The following LRRIQ1 variants were observed in gnomAD, a reference collection of about 807,000 sequenced individuals.
LRRIQ1 encodes the protein leucine-rich repeat- and IQ domain-containing protein 1.
A neutral mutation model predicts 211.9 loss-of-function variants in LRRIQ1; 210 were observed. The ratio of observed to expected loss-of-function variants is 0.99; its 90% CI spans 0.89 to 1.11. The LOEUF (loss-of-function observed/expected upper bound fraction) is 1.11, where lower values mean the gene tolerates loss of function less well. Among genes scored for constraint, LRRIQ1 ranks in the 50% most tolerant of loss-of-function variants. The pLI, the probability that LRRIQ1 is intolerant of heterozygous loss-of-function variation, is 0.00. For synonymous variants in LRRIQ1, 699 were observed against 650.1 expected (o/e 1.08, Z -1.14); for missense variants, 2,136 against 1,939.5 (o/e 1.10, Z -1.90).
intron 19 of LRRIQ1, among the ~76,000 whole-genome samples, chr12:85,140,190 C>T (rs1889428913): frequency 6.6e-6 from 1 of 151,284 alleles, no homozygotes; most frequent in Non-Finnish European, 1.5e-5. Context: ...TCGAAGCCTG[C>T]TTTCCTCACT....
chr12:85,125,393 G>A (rs544424948), intron 17 of LRRIQ1, among the ~76,000 whole-genome samples: 4 of 152,054 alleles, frequency 2.6e-5, no homozygotes, highest in Non-Finnish European at 4.4e-5. Context: ...ATTTTAGAAA[G>A]CTAATGACTA....
At chr12:85,179,742 T>G (rs546208298) in intron 24 of LRRIQ1, among the ~76,000 whole-genome samples, 1 of 152,078 alleles carries the variant, frequency 6.6e-6, no homozygotes, top group Admixed American at 6.6e-5. Context: ...ACACTTCCAT[T>G]TATCCTTCAC....
chr12:85,219,339 T>C (rs1894295129), intron 24 of LRRIQ1, among the ~76,000 whole-genome samples: 1 of 152,170 alleles, frequency 6.6e-6, no homozygotes, highest in Non-Finnish European at 1.5e-5. Context: ...AGCACAACTA[T>C]AGTCGATTTG....
chr12:85,245,598 A>T (rs1030339863), downstream of LRRIQ1, among the ~76,000 whole-genome samples: 3 of 150,586 alleles, frequency 2.0e-5, no homozygotes, highest in African/African-American at 7.3e-5. Flanking sequence ...TAACTCTGAA[A>T]AATGTAAACA....
chr12:85,228,041 AAAT>A (rs781208806), intron 24 of LRRIQ1, among the ~76,000 whole-genome samples: 48 of 152,330 alleles, frequency 3.2e-4, no homozygotes, highest in Non-Finnish European at 6.2e-4. Flanking sequence ...TTAAAGACTT[AAAT>A]ATTAGACCTA....
intron 8 of LRRIQ1, among the ~76,000 whole-genome samples, chr12:85,062,984 G>C (rs1882015298): frequency 6.6e-6 from 1 of 151,608 alleles, no homozygotes; most frequent in South Asian, 2.1e-4. Flanking sequence ...ATGTTTGTTG[G>C]CCACGTGTAT....
chr12:85,103,720 A>G (rs1886563041), intron 13 of LRRIQ1, among the ~76,000 whole-genome samples: 1 of 151,780 alleles, frequency 6.6e-6, no homozygotes, highest in Admixed American at 6.6e-5. Flanking sequence ...ATGAAAATCC[A>G]TGATTTTTGT....
intron 24 of LRRIQ1, among the ~76,000 whole-genome samples, chr12:85,218,182 A>T (rs1894243576): frequency 6.6e-6 from 1 of 152,026 alleles, no homozygotes; most frequent in Non-Finnish European, 1.5e-5. Context: ...AATAAAATAC[A>T]TTTAAAAATA....
chr12:85,091,635 A>G (rs1092668), intron 11 of LRRIQ1, among the ~76,000 whole-genome samples: 151,878 of 152,272 alleles, frequency 1, 75,742 homozygotes, highest in Middle Eastern at 1. Flanking sequence ...ATAGTTTTAG[A>G]TGCTACATTT....
chr12:85,131,692 GAT>G (rs1248043563), intron 18 of LRRIQ1, among the ~76,000 whole-genome samples: 3 of 152,138 alleles, frequency 2.0e-5, no homozygotes, highest in Non-Finnish European at 4.4e-5. Flanking sequence ...CATGGTGAGA[GAT>G]GTGTGCAGTT....
intron 19 of LRRIQ1, among the ~76,000 whole-genome samples, chr12:85,138,917 C>T (rs1027081386): frequency 2.0e-5 from 3 of 151,424 alleles, no homozygotes; most frequent in South Asian, 2.1e-4. Flanking sequence ...GGTAGTCTTA[C>T]GTAGCAGATG....
At chr12:85,167,354 G>T (rs1891202262) in intron 24 of LRRIQ1, among the ~76,000 whole-genome samples, 1 of 152,202 alleles carries the variant, frequency 6.6e-6, no homozygotes, top group African/African-American at 2.4e-5. Context: ...CCCACAATAG[G>T]CCATCTGCAA....
downstream of LRRIQ1, among the ~76,000 whole-genome samples, chr12:85,249,929 G>T (rs2137295671): frequency 6.6e-6 from 1 of 151,932 alleles, no homozygotes; most frequent in South Asian, 2.1e-4. Context: ...TCTCTTAAAA[G>T]CCCTAAACAT....
intron 24 of LRRIQ1, among the ~76,000 whole-genome samples, chr12:85,162,582 A>G (rs892898503): frequency 6.6e-6 from 1 of 152,226 alleles, no homozygotes. Context: ...GTGAAGCTAC[A>G]TTACCATCTA....
chr12:85,221,060 C>T (rs1894380124), intron 24 of LRRIQ1, among the ~76,000 whole-genome samples: 1 of 152,010 alleles, frequency 6.6e-6, no homozygotes, highest in African/African-American at 2.4e-5. Context: ...GATCTGCCCC[C>T]ATCAGGCTCC....
At chr12:85,058,927 T>G (rs1279687854) in intron 8 of LRRIQ1, among the ~76,000 whole-genome samples, 1 of 151,992 alleles carries the variant, frequency 6.6e-6, no homozygotes, top group Non-Finnish European at 1.5e-5. Flanking sequence ...AAGCTTTTAA[T>G]TTAGCTTTGA....
chr12:85,188,145 T>TAA lies in LRRIQ1; in HGVS notation c.4822+27443_4822+27444dup, dbSNP rs150098648. The stretch of plus-strand genomic sequence containing the variant: ...AGCCTGGCACATAGTAAGCACTCAG[T>TAA]AAAAAAAAAAAAATCAAGTAATCCT... On this transcript the variant is annotated intron_variant, in intron 24 of 26. Transcript: ENST00000393217. Among the ~76,000 whole-genome samples the TAA allele has an allele frequency of 3.1e-3, 439 of 142,734 alleles. 3 individuals carry two copies. The highest frequency in any genetic ancestry group is 1.0e-2 in the African/African-American group (394 of 39,578). 93.6% of individuals were successfully genotyped at this position (142,734 alleles called of 152,430 possible). A position where few individuals can be genotyped will look rare whatever the true frequency, so the allele number is the denominator to read the frequency against.
intron 11 of LRRIQ1, among the ~76,000 whole-genome samples, chr12:85,087,017 A>G (rs986669053): frequency 4.6e-5 from 7 of 151,916 alleles, no homozygotes; most frequent in Admixed American, 1.3e-4. Context: ...ATATGTATAC[A>G]TGTGCCATGT....
chr12:85,122,809 T>C (rs959354573), intron 16 of LRRIQ1, among the ~76,000 whole-genome samples: 10 of 152,068 alleles, frequency 6.6e-5, no homozygotes, highest in Non-Finnish European at 1.3e-4. Context: ...TTTACATTTG[T>C]CTTTATGCAA....
Sources: allele counts gnomAD v4.1 joint callset (sites outside exome capture counted in the v4.1 genomes callset), GRCh38; gene constraint gnomAD v4.1.1; transcripts MANE v1.5; gene names NCBI Gene and HGNC (gene_info 2026-07-23, HGNC 2026-07-21).